Variants in SHC3 observed in about 807,000 individuals in gnomAD.
The protein encoded by SHC3 is SHC-transforming protein 3.
Under a neutral mutation model 60.4 loss-of-function variants are expected in SHC3, and 15 were observed. That is an observed-to-expected ratio of 0.25 (90% CI 0.17 to 0.38). The LOEUF is 0.38. Ranked by LOEUF, SHC3 falls within the 10% of genes least tolerant of loss-of-function variation. The probability of loss-of-function intolerance (pLI) is 1.00; values close to 1 mark genes in which losing one functional copy is unlikely to be tolerated. For synonymous variants in SHC3, 294 were observed against 325.9 expected, an observed-to-expected ratio of 0.90 and a Z score of 1.05; for missense variants, 677 against 786.1, an observed-to-expected ratio of 0.86 and a Z score of 1.66.
intron 4 of SHC3, among the ~76,000 whole-genome samples, chr9:89,072,351 A>T (rs1020746324): frequency 6.6e-6 from 1 of 152,138 alleles, no homozygotes; most frequent in Non-Finnish European, 1.5e-5. Context: ...ACACCAAAAC[A>T]TCTCAACTTA....
intron 9 of SHC3, among the ~76,000 whole-genome samples, chr9:89,045,248 T>C (rs1039495371): frequency 3.3e-5 from 5 of 150,828 alleles, no homozygotes; most frequent in African/African-American, 1.2e-4. Flanking sequence ...CACTATCTGA[T>C]TGGTGCCAGG....
In SHC3 at chr9:89,006,151, G is replaced by A. The variant is rs1379040348; in HGVS notation, c.*7296C>T. 2.0e-5 allele frequency: 3 copies of A among 152,142 alleles called. No homozygotes were observed. Among genetic ancestry groups the A allele is most frequent in the Non-Finnish European group, 4.4e-5 (3 of 68,026 alleles). The allele number at this position is 152,142 out of a possible 1,614,324, so 9.4% of individuals were successfully genotyped here. A position where few individuals can be genotyped will look rare whatever the true frequency, so the allele number is the denominator to read the frequency against. On this transcript the variant is annotated 3_prime_UTR_variant, in exon 12 of 12. Coordinates refer to ENST00000375835, the MANE Select transcript of SHC3 (RefSeq NM_016848.6). The stretch of plus-strand genomic sequence containing the variant: ...ATTGGGTGTGTCATCTTCCCCTCCT[G>A]GGTCACAGGATGACACCTGGGGATG...
intron 1 of SHC3, among the ~76,000 whole-genome samples, chr9:89,175,383 T>C (rs998421869): frequency 8.5e-5 from 13 of 152,240 alleles, no homozygotes; most frequent in Non-Finnish European, 1.5e-4. Flanking sequence ...AGGAACTTCT[T>C]CCATGTTTAA....
intron 11 of SHC3, among the ~76,000 whole-genome samples, chr9:89,025,143 C>T (rs944478): frequency 0.41 from 61,889 of 151,914 alleles, 14,325 homozygotes; most frequent in East Asian, 0.83. Flanking sequence ...AGAGGCAAAG[C>T]CGTCAGATGG....
intron 11 of SHC3, among the ~76,000 whole-genome samples, chr9:89,036,477 CCA>C (rs1824580197): frequency 6.6e-6 from 1 of 152,168 alleles, no homozygotes; most frequent in African/African-American, 2.4e-5. Context: ...GACCAAAACG[CCA>C]CTCTTGGCTC....
chr9:89,148,881 T>G (rs989196965), intron 1 of SHC3, among the ~76,000 whole-genome samples: 5 of 152,234 alleles, frequency 3.3e-5, no homozygotes, highest in Non-Finnish European at 7.3e-5. Context: ...GGCTGGCATA[T>G]GACAAAGCCC....
At chr9:89,027,327 A>ATTTTTTTTTTTTTTTTTTT (rs540788767) in intron 11 of SHC3, among the ~76,000 whole-genome samples, 17 of 130,380 alleles carry the variant, frequency 1.3e-4, no homozygotes, top group African/African-American at 2.8e-4. Context: ...TGAAATTCTG[A>ATTTTTTTTTTTTTTTTTTT]TTTTTTTTTT....
At position 89,042,293 on chromosome 9, in the gene SHC3, C is replaced by T. The variant is rs140717060; in HGVS notation, c.1202-109G>A. The T allele has an allele frequency of 2.0e-4, 243 of 1,216,176 alleles. No homozygotes were observed. The Middle Eastern group carries it at 2.3e-3, about 11-fold the overall frequency. 75.3% of individuals were successfully genotyped at this position (1,216,176 alleles called of 1,614,324 possible). A position where few individuals can be genotyped will look rare whatever the true frequency, so the allele number is the denominator to read the frequency against. On this transcript the variant is annotated intron_variant, in intron 9 of 11. Coordinates refer to ENST00000375835, the MANE Select transcript of SHC3 (RefSeq NM_016848.6). ...CCTGCAAATGGGAAACCTCCTCCTTCGGATTCCTATGGGTGATATTCTCCT... is the reference window on the plus strand; with the variant it reads ...CCTGCAAATGGGAAACCTCCTCCTTTGGATTCCTATGGGTGATATTCTCCT...
At chr9:89,124,733 G>A (rs1360460477) in intron 1 of SHC3, among the ~76,000 whole-genome samples, 2 of 152,024 alleles carry the variant, frequency 1.3e-5, no homozygotes. Context: ...AATACCTAAT[G>A]CACACGGGGC....
chr9:89,136,520 T>C (rs1826321702), intron 1 of SHC3, among the ~76,000 whole-genome samples: 1 of 152,158 alleles, frequency 6.6e-6, no homozygotes, highest in Non-Finnish European at 1.5e-5. Flanking sequence ...CCAGGAAATG[T>C]CAGGAAGTTA....
At chr9:89,072,785 G>T (rs918320113) in intron 4 of SHC3, among the ~76,000 whole-genome samples, 3 of 152,182 alleles carry the variant, frequency 2.0e-5, no homozygotes, top group Non-Finnish European at 4.4e-5. Flanking sequence ...TTGGGCCCTT[G>T]TCCTCGGGCA....
intron 1 of SHC3, among the ~76,000 whole-genome samples, chr9:89,116,014 T>A (rs557168690): frequency 1.3e-5 from 2 of 152,262 alleles, no homozygotes; most frequent in Non-Finnish European, 2.9e-5. Flanking sequence ...CCATAATTAA[T>A]GTCATAATTA....
chr9:89,078,541 C>G (rs929283266), intron 2 of SHC3, among the ~76,000 whole-genome samples: 1 of 152,024 alleles, frequency 6.6e-6, no homozygotes, highest in Non-Finnish European at 1.5e-5. Flanking sequence ...GCATGGGTCC[C>G]GGTGGAGGAG....
chr9:89,132,702 G>A (rs1410105348), intron 1 of SHC3, among the ~76,000 whole-genome samples: 1 of 152,198 alleles, frequency 6.6e-6, no homozygotes, highest in African/African-American at 2.4e-5. Context: ...AAACTGGCTA[G>A]CCACATGTAG....
intron 2 of SHC3, among the ~76,000 whole-genome samples, chr9:89,104,870 T>C (rs1015866531): frequency 6.6e-6 from 1 of 152,210 alleles, no homozygotes; most frequent in Non-Finnish European, 1.5e-5. Context: ...AAAGAAGATT[T>C]CTATGTTGTT....
chr9:89,073,299 T>A (rs1587711091), intron 4 of SHC3, among the ~76,000 whole-genome samples: 1 of 152,356 alleles, frequency 6.6e-6, no homozygotes, highest in Middle Eastern at 3.4e-3. Context: ...GATTGTATGT[T>A]ATCTCTTTGG....
At chr9:89,082,163 C>A (rs1168799407) in intron 2 of SHC3, among the ~76,000 whole-genome samples, 1 of 152,180 alleles carries the variant, frequency 6.6e-6, no homozygotes, top group East Asian at 1.9e-4. Context: ...TCCACCCAAC[C>A]CCTCTCCTCT....
At chr9:89,159,410 C>G (rs1169379043) in intron 1 of SHC3, among the ~76,000 whole-genome samples, 1 of 152,072 alleles carries the variant, frequency 6.6e-6, no homozygotes. Context: ...AAATGTTTGG[C>G]TTGGAGAAGA....
At chr9:89,159,017 G>C (rs927981174) in intron 1 of SHC3, among the ~76,000 whole-genome samples, 4 of 152,182 alleles carry the variant, frequency 2.6e-5, no homozygotes, top group African/African-American at 9.7e-5. Flanking sequence ...ATAGTAGGGG[G>C]TAGAAGTGTG....
Sources: gnomAD v4.1 joint callset for allele counts (sites outside exome capture counted in the v4.1 genomes callset) on GRCh38, gnomAD v4.1.1 for gene constraint, MANE v1.5 for transcripts, NCBI Gene and HGNC (gene_info 2026-07-23, HGNC 2026-07-21) for gene names.